The following PIBF1 variants were observed in gnomAD, a reference collection of about 807,000 sequenced individuals.
The protein encoded by PIBF1 is progesterone immunomodulatory binding factor 1, also known as progesterone-induced-blocking factor 1.
A neutral mutation model predicts 112.5 loss-of-function variants in PIBF1; 90 were observed. The ratio of observed to expected loss-of-function variants is 0.80; its 90% CI spans 0.67 to 0.95. PIBF1 has a LOEUF of 0.95. Among genes scored for constraint, PIBF1 ranks in the 40% least tolerant of loss-of-function variants. The pLI is 0.00. For missense variants in PIBF1, 915 were observed against 852.3 expected (o/e 1.07, Z -0.92); for synonymous variants, 301 against 288.6 (o/e 1.04, Z -0.44).
At position 72,934,866 on chromosome 13, in the gene PIBF1, A is replaced by G. The variant is rs556779081; in HGVS notation, c.1833+3599A>G. Among the ~76,000 whole-genome samples, 6 of 152,278 alleles carry G rather than the reference A, an allele frequency of 3.9e-5. No individual in the cohort carries two copies. The South Asian group carries it at 1.2e-3, about 32-fold the overall frequency. On this transcript the variant is annotated intron_variant, in intron 14 of 17. Transcript: ENST00000326291. ...CACATATATCTCCCCAAAAGTTTCC[A>G]TATGCCCCTTTGGAATTCTTGCCTC...
chr13:72,792,122 C>T (rs2034962745), intron 2 of PIBF1, among the ~76,000 whole-genome samples: 1 of 151,762 alleles, frequency 6.6e-6, no homozygotes, highest in Non-Finnish European at 1.5e-5. Context: ...ATGGTGAAAC[C>T]CTGTCTCTAC....
intron 16 of PIBF1, among the ~76,000 whole-genome samples, chr13:72,978,219 A>G (rs1252002064): frequency 6.6e-6 from 1 of 152,192 alleles, no homozygotes; most frequent in Non-Finnish European, 1.5e-5. Flanking sequence ...TAGAAGATCA[A>G]AACAAAGTGT....
At chr13:72,833,214 T>C (rs1021992521) in intron 8 of PIBF1, among the ~76,000 whole-genome samples, 1 of 152,196 alleles carries the variant, frequency 6.6e-6, no homozygotes, top group African/African-American at 2.4e-5. Context: ...GGTTAGAACA[T>C]GCTCCTTTAG....
At chr13:72,855,678 A>G (rs1159160837) in intron 10 of PIBF1, among the ~76,000 whole-genome samples, 1 of 152,160 alleles carries the variant, frequency 6.6e-6, no homozygotes, top group African/African-American at 2.4e-5. Context: ...TATCTAAAAA[A>G]AATAAAGATC....
Position 72,798,033 on chromosome 13 carries a change from A to C in PIBF1, c.672+7A>C. Reference sequence around the variant, plus strand: ...ACTGAAGCAGCTGACAGAGGTTTGTATGGTTTTGATTGCTGGTGGGAAGAA... The same window carrying C: ...ACTGAAGCAGCTGACAGAGGTTTGTCTGGTTTTGATTGCTGGTGGGAAGAA... On this transcript the variant is annotated splice_region_variant and intron_variant, in intron 5 of 17. Transcript: ENST00000326291. The C allele has an allele frequency of 6.3e-7, 1 of 1,585,752 alleles. No homozygotes were observed. The highest frequency in any genetic ancestry group is 8.5e-7 in the Non-Finnish European group (1 of 1,170,516).
At chr13:72,821,382 C>T (rs2036550628) in intron 5 of PIBF1, among the ~76,000 whole-genome samples, 1 of 152,046 alleles carries the variant, frequency 6.6e-6, no homozygotes, top group Non-Finnish European at 1.5e-5. Flanking sequence ...TTCTGAGTAA[C>T]ACAATTGGAA....
At chr13:72,917,793 C>G (rs192096366) in intron 13 of PIBF1, among the ~76,000 whole-genome samples, 29 of 152,222 alleles carry the variant, frequency 1.9e-4, no homozygotes, top group Admixed American at 1.9e-3. Flanking sequence ...TGTCATTATT[C>G]CTTAATACAG....
At chr13:72,819,776 C>T (rs1360781540) in intron 5 of PIBF1, among the ~76,000 whole-genome samples, 2 of 152,024 alleles carry the variant, frequency 1.3e-5, no homozygotes, top group African/African-American at 4.8e-5. Flanking sequence ...CCGCTAAATA[C>T]TTTAAAGGCT....
chr13:72,955,530 C>T (rs993923582), intron 14 of PIBF1, among the ~76,000 whole-genome samples: 1 of 152,032 alleles, frequency 6.6e-6, no homozygotes. Flanking sequence ...GGTTGTTCCT[C>T]GAAAACTCAT....
chr13:72,813,935 A>G (rs1050374787), intron 5 of PIBF1, among the ~76,000 whole-genome samples: 2 of 152,158 alleles, frequency 1.3e-5, no homozygotes, highest in East Asian at 3.9e-4. Flanking sequence ...AGAGCAGAAC[A>G]GATTGTCGGC....
intron 5 of PIBF1, among the ~76,000 whole-genome samples, chr13:72,800,789 G>A (rs1450449326): frequency 6.6e-6 from 1 of 152,190 alleles, no homozygotes; most frequent in Admixed American, 6.5e-5. Context: ...ATCATGTAGT[G>A]TGACAAAAGT....
chr13:72,783,807 G>A (rs2138296310), intron 2 of PIBF1, 86 bp downstream of exon 2: 2 of 1,169,530 alleles, frequency 1.7e-6, no homozygotes, highest in South Asian at 2.9e-5. Flanking sequence ...CACATTATCT[G>A]AACTTGAAAT....
chr13:72,850,674 G>C (rs9543142), intron 9 of PIBF1, among the ~76,000 whole-genome samples: 5 of 152,296 alleles, frequency 3.3e-5, no homozygotes, highest in African/African-American at 4.8e-5. Flanking sequence ...TTTGAGAAAT[G>C]AACATTGAAA....
Position 72,840,431 on chromosome 13 carries a change from T to TTG in PIBF1, c.1223+5064_1223+5065insGT, listed in dbSNP as rs1383561702. On this transcript the variant is annotated intron_variant, in intron 9 of 17. Coordinates refer to ENST00000326291, the MANE Select transcript of PIBF1 (RefSeq NM_006346.4). ...GTGTAATTATGTTAATTACTAGTAT[T>TTG]TTATCAAAGTGTGCTGTTACAATAA... 6.5e-4 allele frequency among the ~76,000 whole-genome samples: 99 copies of TTG among 152,178 alleles called. 1 individual carries two copies. The highest frequency in any genetic ancestry group is 1.5e-4 in the Non-Finnish European group (10 of 68,026).
intron 16 of PIBF1, among the ~76,000 whole-genome samples, chr13:72,985,987 GAA>G (rs962058651): frequency 6.6e-6 from 1 of 151,346 alleles, no homozygotes; most frequent in Non-Finnish European, 1.5e-5. Flanking sequence ...TCCATCTCTA[GAA>G]AAAAAAATTT....
At chr13:72,986,330 T>G (rs1046551606) in intron 16 of PIBF1, among the ~76,000 whole-genome samples, 1 of 152,074 alleles carries the variant, frequency 6.6e-6, no homozygotes, top group African/African-American at 2.4e-5. Flanking sequence ...GGGAAAGTAG[T>G]GAGAAGTCCA....
intron 5 of PIBF1, among the ~76,000 whole-genome samples, chr13:72,820,122 A>G (rs549872180): frequency 3.3e-5 from 5 of 152,112 alleles, no homozygotes; most frequent in Admixed American, 6.5e-5. Flanking sequence ...ACTACGTTAG[A>G]CATTTTTATA....
chr13:72,816,222 G>A (rs1372041076), intron 5 of PIBF1, among the ~76,000 whole-genome samples: 1 of 152,200 alleles, frequency 6.6e-6, no homozygotes, highest in Non-Finnish European at 1.5e-5. Flanking sequence ...TACACACTCT[G>A]CAGAAGCATC....
intron 9 of PIBF1, among the ~76,000 whole-genome samples, chr13:72,844,504 C>T (rs2037745656): frequency 6.6e-6 from 1 of 151,914 alleles, no homozygotes; most frequent in African/African-American, 2.4e-5. Flanking sequence ...TTCACCCCAA[C>T]AGGCCCCAGT....
Sources: gnomAD v4.1 joint callset for allele counts (sites outside exome capture counted in the v4.1 genomes callset) on GRCh38, gnomAD v4.1.1 for gene constraint, MANE v1.5 for transcripts, NCBI Gene and HGNC (gene_info 2026-07-23, HGNC 2026-07-21) for gene names.